Variants in PPP1R1C observed in about 807,000 individuals in gnomAD.
PPP1R1C encodes protein phosphatase 1 regulatory subunit 1C.
PPP1R1C carries 15 observed loss-of-function variants against 17.4 expected under a neutral mutation model. That is an observed-to-expected ratio of 0.86 (90% confidence interval 0.58 to 1.33). The LOEUF (loss-of-function observed/expected upper bound fraction) is 1.33. Ranked by LOEUF, PPP1R1C falls within the 40% of genes most tolerant of loss-of-function variation. The pLI is 0.00. For synonymous variants in PPP1R1C, 35 were observed against 43.1 expected, an observed-to-expected ratio of 0.81 and a Z score of 0.73; for missense variants, 143 against 130.0, an observed-to-expected ratio of 1.10 and a Z score of -0.48.
At chr2:182,036,522 G>C (rs1175858012) in intron 2 of PPP1R1C, among the ~76,000 whole-genome samples, 2 of 152,020 alleles carry the variant, frequency 1.3e-5, no homozygotes, top group African/African-American at 4.8e-5. Flanking sequence ...CTGCTTTTCT[G>C]CATAAACATA....
intron 4 of PPP1R1C, among the ~76,000 whole-genome samples, chr2:182,108,593 T>C (rs962604132): frequency 2.0e-5 from 3 of 152,338 alleles, no homozygotes; most frequent in Non-Finnish European, 2.9e-5. Flanking sequence ...TGGGTATACA[T>C]TGTAACTATC....
intron 2 of PPP1R1C, among the ~76,000 whole-genome samples, chr2:182,025,456 G>T (rs1279160547): frequency 1.8e-3 from 245 of 136,622 alleles, no homozygotes; most frequent in African/African-American, 6.5e-3. Flanking sequence ...AGAATATGCG[G>T]TGTTTGGTTT....
At chr2:182,057,952 A>C (rs940482771) in intron 2 of PPP1R1C, among the ~76,000 whole-genome samples, 3 of 152,080 alleles carry the variant, frequency 2.0e-5, no homozygotes, top group Non-Finnish European at 4.4e-5. Context: ...AAAGAGTTTT[A>C]GATTTACGGA....
chr2:182,028,112 C>A (rs1318740120), intron 2 of PPP1R1C, among the ~76,000 whole-genome samples: 3 of 139,530 alleles, frequency 2.2e-5, no homozygotes, highest in East Asian at 2.0e-4. Flanking sequence ...TTTTTTCTTT[C>A]TTAGTCTTGC....
chr2:182,098,584 G>A (rs1422866104), intron 4 of PPP1R1C, among the ~76,000 whole-genome samples: 2 of 151,776 alleles, frequency 1.3e-5, no homozygotes, highest in East Asian at 3.9e-4. Flanking sequence ...CTACTTCTTC[G>A]ACAGATGTAA....
At chr2:182,110,112 G>T (rs2125233673) in intron 4 of PPP1R1C, among the ~76,000 whole-genome samples, 1 of 152,012 alleles carries the variant, frequency 6.6e-6, no homozygotes, top group South Asian at 2.1e-4. Context: ...TAAAAGACAG[G>T]ATTTTAAATG....
chr2:182,001,862 C>T (rs1685774731), intron 2 of PPP1R1C, among the ~76,000 whole-genome samples: 1 of 152,028 alleles, frequency 6.6e-6, no homozygotes, highest in South Asian at 2.1e-4. Context: ...GTACTATATC[C>T]TTCCTTTCCC....
intron 1 of PPP1R1C, chr2:181,954,733 C>A (rs1252194131): frequency 6.6e-6 from 1 of 152,168 alleles, no homozygotes; most frequent in Non-Finnish European, 1.5e-5. Context: ...AGGAGCTGGG[C>A]TCTGGCAGTT....
At chr2:182,004,097 TC>T (rs1685847089) in intron 2 of PPP1R1C, among the ~76,000 whole-genome samples, 1 of 152,334 alleles carries the variant, frequency 6.6e-6, no homozygotes, top group South Asian at 2.1e-4. Flanking sequence ...TGAAGCTTTC[TC>T]CTGTTAGTCT....
At chr2:182,007,252 A>G (rs1240430435) in intron 2 of PPP1R1C, among the ~76,000 whole-genome samples, 1 of 152,186 alleles carries the variant, frequency 6.6e-6, no homozygotes, top group Non-Finnish European at 1.5e-5. Flanking sequence ...AGGTCTATCT[A>G]CGTATACACT....
At chr2:182,014,939 G>A (rs929029021) in intron 2 of PPP1R1C, among the ~76,000 whole-genome samples, 1 of 151,984 alleles carries the variant, frequency 6.6e-6, no homozygotes, top group African/African-American at 2.4e-5. Flanking sequence ...TCTCCCTTCA[G>A]GGCAGTGTGG....
At chr2:182,053,986 G>A (rs928677374) in intron 2 of PPP1R1C, among the ~76,000 whole-genome samples, 4 of 151,988 alleles carry the variant, frequency 2.6e-5, no homozygotes, top group African/African-American at 4.8e-5. Flanking sequence ...GGGATTACAG[G>A]CGTGAGCCAC....
At chr2:182,103,657 A>G (rs1689163765) in intron 4 of PPP1R1C, 1 of 152,256 alleles carries the variant, frequency 6.6e-6, no homozygotes, top group African/African-American at 2.4e-5. Flanking sequence ...TAAATCTGAT[A>G]GAAAAGCAGG....
At chr2:182,130,841 A>G (rs1417882132), downstream of PPP1R1C, 1 of 152,182 alleles carries the variant, frequency 6.6e-6, no homozygotes, top group Non-Finnish European at 1.5e-5. Context: ...AGAACACCCA[A>G]TAGTTTAAAA....
intron 4 of PPP1R1C, among the ~76,000 whole-genome samples, chr2:182,094,998 A>C (rs1226260455): frequency 6.6e-6 from 1 of 152,184 alleles, no homozygotes; most frequent in African/African-American, 2.4e-5. Flanking sequence ...CCATTTAAGA[A>C]GTGGCATGTT....
chr2:181,994,034 T>C (rs1023936985), intron 2 of PPP1R1C, among the ~76,000 whole-genome samples: 1 of 152,078 alleles, frequency 6.6e-6, no homozygotes, highest in Admixed American at 6.6e-5. Context: ...AAAAGATCTA[T>C]AGTACCCCCT....
intron 4 of PPP1R1C, among the ~76,000 whole-genome samples, chr2:182,097,004 G>A (rs1688960455): frequency 6.6e-6 from 1 of 152,140 alleles, no homozygotes. Context: ...TCCTAAAACT[G>A]GGTTGCAGTC....
At chr2:182,014,477 G>T (rs1008640277) in intron 2 of PPP1R1C, among the ~76,000 whole-genome samples, 4 of 151,912 alleles carry the variant, frequency 2.6e-5, no homozygotes, top group African/African-American at 9.7e-5. Context: ...CACTGGGACT[G>T]CACTGGTTCA....
At chr2:182,066,822 A>G (rs1687995096) in intron 4 of PPP1R1C, among the ~76,000 whole-genome samples, 1 of 152,164 alleles carries the variant, frequency 6.6e-6, no homozygotes, top group African/African-American at 2.4e-5. Flanking sequence ...TATGGTGGTC[A>G]GCCCTGTAAT....
Sources: gnomAD v4.1 joint callset for allele counts (sites outside exome capture counted in the v4.1 genomes callset) on GRCh38, gnomAD v4.1.1 for gene constraint, MANE v1.5 for transcripts, NCBI Gene and HGNC (gene_info 2026-07-23, HGNC 2026-07-21) for gene names.